Variants in SRBD1 observed in about 807,000 individuals in gnomAD.
The protein encoded by SRBD1 is S1 RNA-binding domain-containing protein 1.
In SRBD1, 88 loss-of-function variants were observed where a neutral mutation model predicts 115.3. That is an observed-to-expected ratio of 0.76 (90% confidence interval 0.64 to 0.91). The LOEUF is 0.91. Among genes scored for constraint, SRBD1 ranks in the 40% least tolerant of loss-of-function variants. The pLI, the probability that SRBD1 is intolerant of heterozygous loss-of-function variation, is 0.00. For missense variants in SRBD1, 1,385 were observed against 1,177.4 expected (o/e 1.18, Z -2.58); for synonymous variants, 509 against 407.7 (o/e 1.25, Z -2.99).
chr2:45,506,095 T>C (rs1373091035), intron 14 of SRBD1, among the ~76,000 whole-genome samples: 1 of 152,176 alleles, frequency 6.6e-6, no homozygotes, highest in Non-Finnish European at 1.5e-5. Flanking sequence ...CAGGAGATGC[T>C]GAAGAAGCAT....
chr2:45,585,553 T>C, intron 5 of SRBD1, 55 bp downstream of exon 5: 3 of 1,539,216 alleles, frequency 1.9e-6, no homozygotes, highest in Non-Finnish European at 2.6e-6. Flanking sequence ...TTTCTCACTG[T>C]TCCTCATTGG....
intron 3 of SRBD1, 113 bp downstream of exon 3, chr2:45,601,790 T>C: frequency 7.3e-7 from 1 of 1,367,294 alleles, no homozygotes; most frequent in Admixed American, 2.3e-5. Flanking sequence ...GGGGATGCCA[T>C]TGCTGGCAGT....
At chr2:45,528,829 C>T (rs1671528868) in intron 14 of SRBD1, among the ~76,000 whole-genome samples, 1 of 151,768 alleles carries the variant, frequency 6.6e-6, no homozygotes, top group African/African-American at 2.4e-5. Flanking sequence ...AGTACAATTA[C>T]CAAAAGCAGG....
chr2:45,519,763 C>A (rs1196355230), intron 14 of SRBD1, among the ~76,000 whole-genome samples: 1 of 152,114 alleles, frequency 6.6e-6, no homozygotes, highest in Admixed American at 6.6e-5. Flanking sequence ...TGTTGACTTT[C>A]AGAGAAGGTG....
At chr2:45,453,767 C>G (rs1472023738) in intron 16 of SRBD1, among the ~76,000 whole-genome samples, 2 of 151,796 alleles carry the variant, frequency 1.3e-5, no homozygotes, top group Non-Finnish European at 2.9e-5. Flanking sequence ...GAAATTACTC[C>G]TCTAATATAT....
intron 14 of SRBD1, among the ~76,000 whole-genome samples, chr2:45,535,415 A>T (rs1323832634): frequency 6.6e-6 from 1 of 151,986 alleles, no homozygotes; most frequent in Non-Finnish European, 1.5e-5. Flanking sequence ...TTCCTACCTA[A>T]GTGCTCATCA....
At chr2:45,556,444 A>G (rs1305547434) in intron 10 of SRBD1, among the ~76,000 whole-genome samples, 2 of 120,664 alleles carry the variant, frequency 1.7e-5, no homozygotes, top group Admixed American at 1.9e-4. Flanking sequence ...TCTATGCTCT[A>G]TTACTTTTTT....
intron 18 of SRBD1, among the ~76,000 whole-genome samples, chr2:45,418,110 T>A (rs1667885446): frequency 6.6e-6 from 1 of 152,210 alleles, no homozygotes; most frequent in East Asian, 1.9e-4. Flanking sequence ...TCTTGCCATC[T>A]GAAAGTACTA....
intron 14 of SRBD1, among the ~76,000 whole-genome samples, chr2:45,537,937 T>G (rs943672287): frequency 1.1e-4 from 16 of 152,042 alleles, no homozygotes; most frequent in African/African-American, 3.6e-4. Flanking sequence ...GAGAGAAAAT[T>G]TAAAAGGGAG....
intron 9 of SRBD1, among the ~76,000 whole-genome samples, chr2:45,564,941 G>A (rs764558342): frequency 1.2e-4 from 19 of 152,186 alleles, no homozygotes; most frequent in African/African-American, 2.2e-4. Context: ...AGGAACAACT[G>A]TACTATGAAA....
chr2:45,483,975 T>C (rs1481683880), intron 15 of SRBD1, among the ~76,000 whole-genome samples: 1 of 152,102 alleles, frequency 6.6e-6, no homozygotes, highest in Non-Finnish European at 1.5e-5. Context: ...CTTTTCAAAA[T>C]TCATAGATGA....
chr2:45,420,806 T>A (rs1027539298), intron 16 of SRBD1, among the ~76,000 whole-genome samples: 1 of 152,250 alleles, frequency 6.6e-6, no homozygotes, highest in African/African-American at 2.4e-5. Context: ...AAGCTTCAGA[T>A]GCACATTCTT....
intron 9 of SRBD1, among the ~76,000 whole-genome samples, chr2:45,570,438 A>C (rs1672970468): frequency 6.6e-6 from 1 of 152,216 alleles, no homozygotes; most frequent in African/African-American, 2.4e-5. Context: ...GTTAAAAGCC[A>C]CACTCCAGCT....
chr2:45,538,760 T>C (rs1173189903), intron 14 of SRBD1, among the ~76,000 whole-genome samples: 2 of 152,216 alleles, frequency 1.3e-5, no homozygotes, highest in Non-Finnish European at 2.9e-5. Flanking sequence ...GTGATAAATA[T>C]TTGTTGAATA....
At chr2:45,422,819 T>A (rs1438894257) in intron 16 of SRBD1, among the ~76,000 whole-genome samples, 1 of 152,240 alleles carries the variant, frequency 6.6e-6, no homozygotes. Context: ...TTATTGAGTA[T>A]AAAATTTTTC....
chr2:45,555,100 G>A (rs926516058), intron 10 of SRBD1, among the ~76,000 whole-genome samples: 5 of 152,106 alleles, frequency 3.3e-5, no homozygotes, highest in African/African-American at 1.2e-4. Flanking sequence ...AAAAATCCTA[G>A]CCCAGGCTGG....
At chr2:45,558,236 A>G (rs1255631240) in intron 10 of SRBD1, among the ~76,000 whole-genome samples, 3 of 152,242 alleles carry the variant, frequency 2.0e-5, no homozygotes, top group Non-Finnish European at 2.9e-5. Context: ...AGGCTGAGGC[A>G]GAAGGATTGT....
At chr2:45,443,928 G>A (rs960700530) in intron 16 of SRBD1, among the ~76,000 whole-genome samples, 2 of 151,790 alleles carry the variant, frequency 1.3e-5, no homozygotes, top group African/African-American at 4.8e-5. Flanking sequence ...TTTAATGACA[G>A]GTACTCCATA....
chr2:45,428,010 T>C (rs1041841465), intron 16 of SRBD1, among the ~76,000 whole-genome samples: 61 of 152,182 alleles, frequency 4.0e-4, no homozygotes, highest in Non-Finnish European at 7.8e-4. Context: ...CTAATAGACA[T>C]CTACAGAACT....
Sources: allele counts gnomAD v4.1 joint callset (sites outside exome capture counted in the v4.1 genomes callset), GRCh38; gene constraint gnomAD v4.1.1; transcripts MANE v1.5; gene names NCBI Gene and HGNC (gene_info 2026-07-23, HGNC 2026-07-21).